UBASH3B: variants seen among roughly 807,000 people sequenced by gnomAD.
The protein encoded by UBASH3B is ubiquitin associated and SH3 domain containing B, also known as ubiquitin-associated and SH3 domain-containing protein B.
Under a neutral mutation model 83.4 loss-of-function variants are expected in UBASH3B, and 37 were observed. That is an observed-to-expected ratio of 0.44 (90% CI 0.34 to 0.58). The LOEUF (loss-of-function observed/expected upper bound fraction) is 0.58. Among genes scored for constraint, UBASH3B ranks in the 20% least tolerant of loss-of-function variants. UBASH3B has a pLI of 0.01. For missense variants in UBASH3B, 657 were observed against 827.2 expected (o/e 0.79, Z 2.52); for synonymous variants, 304 against 318.3 (o/e 0.96, Z 0.48).
intron 1 of UBASH3B, among the ~76,000 whole-genome samples, chr11:122,690,202 ATATATATCCAAT>A (rs1368232925): frequency 0.13 from 5,265 of 40,458 alleles, 246 homozygotes; most frequent in Middle Eastern, 0.15. Flanking sequence ...ATATATATAT[ATATATATCCAAT>A]TATATATATA....
chr11:122,787,626 C>T (rs76259884), intron 5 of UBASH3B, among the ~76,000 whole-genome samples: 11,878 of 152,186 alleles, frequency 0.078, 488 homozygotes, highest in Middle Eastern at 0.17. Context: ...AGCACAGAGT[C>T]CAGGGATCAG....
chr11:122,699,551 T>C (rs1864012588), intron 1 of UBASH3B, among the ~76,000 whole-genome samples: 1 of 149,988 alleles, frequency 6.7e-6, no homozygotes, highest in African/African-American at 2.5e-5. Flanking sequence ...CTTTCTTTCT[T>C]TCTTTCTTTC....
At chr11:122,713,838 A>G (rs1286091106) in intron 1 of UBASH3B, among the ~76,000 whole-genome samples, 1 of 152,022 alleles carries the variant, frequency 6.6e-6, no homozygotes, top group African/African-American at 2.4e-5. Context: ...TTTTTACTGA[A>G]CTCCACCAGT....
At chr11:122,762,363 T>C (rs1287699852) in intron 1 of UBASH3B, among the ~76,000 whole-genome samples, 1 of 152,168 alleles carries the variant, frequency 6.6e-6, no homozygotes, top group Non-Finnish European at 1.5e-5. Context: ...GGGATAGCGC[T>C]AGTGACTTGA....
At chr11:122,774,463 TCTTTCCAC>T (rs1860699263) in intron 1 of UBASH3B, among the ~76,000 whole-genome samples, 1 of 152,212 alleles carries the variant, frequency 6.6e-6, no homozygotes, top group East Asian at 1.9e-4. Flanking sequence ...TTTCATCACT[TCTTTCCAC>T]CTGAGTTTTT....
At chr11:122,665,263 G>C (rs185665412) in intron 1 of UBASH3B, among the ~76,000 whole-genome samples, 1 of 152,026 alleles carries the variant, frequency 6.6e-6, no homozygotes, top group Non-Finnish European at 1.5e-5. Context: ...TTGCAGCCTC[G>C]AACACTTGGG....
At chr11:122,742,064 G>A (rs1861034838) in intron 1 of UBASH3B, among the ~76,000 whole-genome samples, 1 of 152,178 alleles carries the variant, frequency 6.6e-6, no homozygotes, top group African/African-American at 2.4e-5. Flanking sequence ...TAGCACAGCG[G>A]CAACGAAATC....
intron 1 of UBASH3B, among the ~76,000 whole-genome samples, chr11:122,767,373 C>A (rs111364510): frequency 1.3e-5 from 2 of 151,930 alleles, no homozygotes; most frequent in Admixed American, 6.6e-5. Flanking sequence ...TGCAATGGCA[C>A]GATTTCGGCT....
intron 1 of UBASH3B, among the ~76,000 whole-genome samples, chr11:122,742,305 C>G (rs894009798): frequency 6.6e-6 from 1 of 152,190 alleles, no homozygotes; most frequent in African/African-American, 2.4e-5. Flanking sequence ...TGCAAGAAAC[C>G]ATCCTAAGTA....
In UBASH3B at chr11:122,695,762, A is replaced by C. The variant is rs554601809; in HGVS notation, c.161+39552A>C. On this transcript the variant is annotated intron_variant, in intron 1 of 13. Transcript: ENST00000284273. ...ATGCTCAGGAAAGACAGAGAAAAGAACTGCCTTGCAGCATTTTTGCATCAA... is the reference window on the plus strand; with the variant it reads ...ATGCTCAGGAAAGACAGAGAAAAGACCTGCCTTGCAGCATTTTTGCATCAA... Among the ~76,000 whole-genome samples, 6 of 152,206 alleles carry C rather than the reference A, an allele frequency of 3.9e-5. No individual in the cohort carries two copies. In the South Asian group the frequency reaches 1.0e-3, roughly 26 times the overall value.
chr11:122,789,148 G>A lies in UBASH3B; in HGVS notation c.820G>A (p.Glu274Lys). ...TACCCCACAAAATGACGATGAGCTG[G>A]AGCTGGTCCCCGGGGACTTCATCTT... ...PYTPQNDDEL[E>K]LVPGDFIFMS... Residue 274 changes from glutamate (E) to lysine (K), a missense_variant, in exon 6 of 14, where the codon GAG becomes AAG. Coordinates refer to ENST00000284273, the MANE Select transcript of UBASH3B (RefSeq NM_032873.5). 6.2e-7 allele frequency: 1 copy of A among 1,614,012 alleles called. No individual in the cohort carries two copies. The highest frequency in any genetic ancestry group is 8.5e-7 in the Non-Finnish European group (1 of 1,180,012).
At chr11:122,748,547 G>A (rs939836958) in intron 1 of UBASH3B, among the ~76,000 whole-genome samples, 18 of 152,106 alleles carry the variant, frequency 1.2e-4, no homozygotes, top group African/African-American at 4.1e-4. Flanking sequence ...CTTCCTTTAG[G>A]TTGGGCTAAA....
At chr11:122,799,443 C>T (rs112472250) in intron 10 of UBASH3B, among the ~76,000 whole-genome samples, 4 of 150,522 alleles carry the variant, frequency 2.7e-5, no homozygotes, top group East Asian at 2.0e-4. Flanking sequence ...GCCAAGATTG[C>T]GCCATTGCAC....
chr11:122,731,972 A>G (rs751326568), intron 1 of UBASH3B, among the ~76,000 whole-genome samples: 4 of 150,306 alleles, frequency 2.7e-5, no homozygotes, highest in Non-Finnish European at 5.9e-5. Flanking sequence ...CATACCCTGG[A>G]GCCTATGTGT....
At position 122,668,867 on chromosome 11, in the gene UBASH3B, GTCT is replaced by G. The variant is rs575137595; in HGVS notation, c.161+12663_161+12665del. The stretch of plus-strand genomic sequence containing the variant: ...GTGTGGTATTTAGTGGGCTATTCTA[GTCT>G]TCTTCCTTGCCAAGCACCACTGTTT... On this transcript the variant is annotated intron_variant, in intron 1 of 13. Coordinates refer to ENST00000284273, the MANE Select transcript of UBASH3B (RefSeq NM_032873.5). Among the ~76,000 whole-genome samples, 292 of 152,266 alleles carry G rather than the reference GTCT, an allele frequency of 1.9e-3. 2 individuals are homozygous for G. Among genetic ancestry groups the G allele is most frequent in the African/African-American group, 6.7e-3 (279 of 41,558 alleles).
At position 122,794,703 on chromosome 11, in the gene UBASH3B, T is replaced by A. The variant is rs1414571718; in HGVS notation, c.982T>A (p.Ser328Thr). ...DECSTWIFHG[S>T]YSILNTSSSN... is the part of the protein sequence containing the mutation. ...CACCTTCCTTATCTTCCTCTGCAGT[T>A]CTTATTCAATCTTAAATACATCGTC... Residue 328 changes from serine (S) to threonine (T), a missense_variant and splice_region_variant, in exon 7 of 14, where the codon TCT becomes ACT. Physicochemically the swap from Ser to Thr is moderately conservative, Grantham distance 58. Around this residue, in one of 3 missense-constraint regions of UBASH3B, gnomAD observed 573 missense variants for 739.0 expected, o/e 0.78. Transcript: ENST00000284273. The A allele has an allele frequency of 1.9e-6, 3 of 1,613,990 alleles. No homozygotes were observed. Among genetic ancestry groups the A allele is most frequent in the Admixed American group, 1.7e-5 (1 of 60,002 alleles).
chr11:122,783,340 G>A (rs1471596288), intron 5 of UBASH3B, 118 bp downstream of exon 5: 2 of 1,237,228 alleles, frequency 1.6e-6, no homozygotes, highest in Non-Finnish European at 2.2e-6. Context: ...GCACCTAACA[G>A]AGAGTCCGTT....
chr11:122,794,259 G>A (rs1861112795), intron 6 of UBASH3B, among the ~76,000 whole-genome samples: 1 of 152,092 alleles, frequency 6.6e-6, no homozygotes, highest in South Asian at 2.1e-4. Flanking sequence ...GGGCTGGAGT[G>A]CAGTGGTGCG....
At chr11:122,795,570 A>G (rs1198937295) in intron 7 of UBASH3B, among the ~76,000 whole-genome samples, 1 of 152,244 alleles carries the variant, frequency 6.6e-6, no homozygotes, top group Non-Finnish European at 1.5e-5. Context: ...AGATTTGCCT[A>G]TGTCATCACC....
Sources: allele counts gnomAD v4.1 joint callset (sites outside exome capture counted in the v4.1 genomes callset), GRCh38; gene constraint gnomAD v4.1.1; regional missense constraint gnomAD v4.1.1; transcripts MANE v1.5; gene names NCBI Gene and HGNC (gene_info 2026-07-23, HGNC 2026-07-21).